The following PDIA5 variants were observed in gnomAD, a reference collection of about 807,000 sequenced individuals.
The protein encoded by PDIA5 is protein disulfide-isomerase A5.
PDIA5 carries 58 observed loss-of-function variants against 77.6 expected under a neutral mutation model. The observed-to-expected ratio is 0.75, with a 90% CI of 0.61 to 0.93. The LOEUF is 0.93. Among genes scored for constraint, PDIA5 ranks in the 40% least tolerant of loss-of-function variants. The pLI is 0.00. For missense variants in PDIA5, 630 were observed against 647.7 expected, an observed-to-expected ratio of 0.97 and a Z score of 0.30; for synonymous variants, 250 against 252.1, an observed-to-expected ratio of 0.99 and a Z score of 0.08.
At chr3:123,113,537 T>C (rs1658105431) in intron 7 of PDIA5, among the ~76,000 whole-genome samples, 1 of 152,056 alleles carries the variant, frequency 6.6e-6, no homozygotes, top group African/African-American at 2.4e-5. Flanking sequence ...TGGTGGAGGG[T>C]CAGATCGGTT....
chr3:123,116,350 G>A, intron 8 of PDIA5, 52 bp downstream of exon 8: 1 of 1,443,084 alleles, frequency 6.9e-7, no homozygotes, highest in Non-Finnish European at 9.7e-7. Flanking sequence ...GGACTTGGCG[G>A]AGGAAGGGTG....
At chr3:123,082,096 C>T (rs1201864026) in intron 1 of PDIA5, among the ~76,000 whole-genome samples, 1 of 152,212 alleles carries the variant, frequency 6.6e-6, no homozygotes, top group Non-Finnish European at 1.5e-5. Context: ...TGGGAGACTC[C>T]AGGATCTGCT....
intron 3 of PDIA5, among the ~76,000 whole-genome samples, chr3:123,094,239 A>G (rs1934377232): frequency 6.6e-6 from 1 of 152,250 alleles, no homozygotes; most frequent in Admixed American, 6.5e-5. Context: ...TGTAAGAGGA[A>G]ATAGAAACTG....
At position 123,133,986 on chromosome 3, in the gene PDIA5, TC is replaced by T. The variant is rs201390774; in HGVS notation, c.910+3372del. 3.3e-3 allele frequency among the ~76,000 whole-genome samples: 484 copies of T among 147,688 alleles called. 7 individuals carry two copies. The highest frequency in any genetic ancestry group is 8.6e-3 in the South Asian group (40 of 4,636). On this transcript the variant is annotated intron_variant, in intron 11 of 16. Transcript: ENST00000316218. ...TTGTTTGTTTTCTTTTCTTTTCTTTTCCTTTTCTTTTCTTTTCCTTTTCTTT... is the reference window on the plus strand; with the variant it reads ...TTGTTTGTTTTCTTTTCTTTTCTTTTCTTTTCTTTTCTTTTCCTTTTCTTT...
rs574699410 is a variant in PDIA5, at chr3:123,127,392, T to C, written c.773+3049T>C. ...CCCATTCATGCTTGAATGACTCTTA[T>C]GATTTAGGTGATAAATGATATCTAG... On this transcript the variant is annotated intron_variant, in intron 10 of 16. Transcript: ENST00000316218. Among the ~76,000 whole-genome samples the C allele has an allele frequency of 3.9e-5, 6 of 152,356 alleles. No individual in the cohort carries two copies. In the South Asian group the frequency reaches 1.2e-3, roughly 32 times the overall value.
intron 8 of PDIA5, among the ~76,000 whole-genome samples, chr3:123,122,482 T>A (rs1368059985): frequency 2.0e-5 from 3 of 152,112 alleles, no homozygotes; most frequent in Non-Finnish European, 4.4e-5. Flanking sequence ...ATTTATTGTG[T>A]CCTTGCTGTA....
intron 11 of PDIA5, among the ~76,000 whole-genome samples, chr3:123,136,391 T>A (rs1397043749): frequency 6.6e-6 from 1 of 152,274 alleles, no homozygotes; most frequent in East Asian, 1.9e-4. Flanking sequence ...TGGTCACCAC[T>A]CACAGTAGAG....
chr3:123,115,775 T>C (rs1356436851), intron 7 of PDIA5, among the ~76,000 whole-genome samples: 2 of 152,262 alleles, frequency 1.3e-5, no homozygotes, highest in Non-Finnish European at 2.9e-5. Flanking sequence ...AGTGATCGTA[T>C]TCGTGGTCAC....
chr3:123,130,445 C>T (rs1442789298), intron 10 of PDIA5, 35 bp from the exon 11 acceptor site: 6 of 1,599,050 alleles, frequency 3.8e-6, no homozygotes, highest in South Asian at 1.1e-5. Context: ...GGCCCCAGGG[C>T]CTGCTCTGAG....
chr3:123,098,281 G>A lies in PDIA5; in HGVS notation c.258-4130G>A, dbSNP rs376426048. Among the ~76,000 whole-genome samples the A allele has an allele frequency of 1.4e-3, 218 of 152,270 alleles. 1 individual carries two copies. The highest frequency in any genetic ancestry group is 4.9e-3 in the African/African-American group (202 of 41,554). On this transcript the variant is annotated intron_variant, in intron 3 of 16. Coordinates refer to ENST00000316218, the MANE Select transcript of PDIA5 (RefSeq NM_006810.4). The stretch of plus-strand genomic sequence containing the variant: ...GATGTTGAAGCTGTCATTCTAATGG[G>A]CTGTGGTACTTAGGCTGGACTTGTG...
intron 15 of PDIA5, among the ~76,000 whole-genome samples, chr3:123,158,418 A>G (rs1397538489): frequency 6.6e-6 from 1 of 152,142 alleles, no homozygotes; most frequent in Non-Finnish European, 1.5e-5. Context: ...GCTCATGTGC[A>G]GGGAATTTAT....
At chr3:123,084,772 T>C (rs909297395) in intron 1 of PDIA5, among the ~76,000 whole-genome samples, 2 of 152,172 alleles carry the variant, frequency 1.3e-5, no homozygotes, top group African/African-American at 4.8e-5. Context: ...TGAATAGTCA[T>C]TGGGTTTTGT....
intron 13 of PDIA5, among the ~76,000 whole-genome samples, chr3:123,146,657 A>G (rs1935779375): frequency 6.6e-6 from 1 of 152,224 alleles, no homozygotes; most frequent in South Asian, 2.1e-4. Context: ...AGTAATGTCC[A>G]CAGGGCAGGC....
intron 11 of PDIA5, among the ~76,000 whole-genome samples, chr3:123,144,004 AC>A (rs1935701649): frequency 6.6e-6 from 1 of 152,094 alleles, no homozygotes; most frequent in African/African-American, 2.4e-5. Context: ...CCTGGGAGGG[AC>A]AGGGTGAGGA....
chr3:123,130,164 T>C (rs1317100419), intron 10 of PDIA5, among the ~76,000 whole-genome samples: 2 of 152,220 alleles, frequency 1.3e-5, no homozygotes, highest in East Asian at 3.8e-4. Context: ...TTGAGAAAGC[T>C]AACAAGCCCC....
At chr3:123,114,686 C>T (rs922746821) in intron 7 of PDIA5, among the ~76,000 whole-genome samples, 15 of 152,246 alleles carry the variant, frequency 9.9e-5, no homozygotes, top group Non-Finnish European at 1.5e-5. Flanking sequence ...ACAATGGAAA[C>T]AATGCCCCTG....
At chr3:123,151,292 C>G (rs1348094618) in intron 14 of PDIA5, among the ~76,000 whole-genome samples, 1 of 152,258 alleles carries the variant, frequency 6.6e-6, no homozygotes, top group Admixed American at 6.5e-5. Context: ...CGGCTGTCCT[C>G]TTCGGTCTGT....
intron 3 of PDIA5, among the ~76,000 whole-genome samples, chr3:123,098,326 C>T (rs1475718110): frequency 2.0e-5 from 3 of 152,116 alleles, no homozygotes; most frequent in Admixed American, 2.0e-4. Flanking sequence ...AGACCCCCAC[C>T]CTCCGACCCC....
intron 7 of PDIA5, among the ~76,000 whole-genome samples, chr3:123,111,386 G>A (rs1052500165): frequency 1.3e-5 from 2 of 152,356 alleles, no homozygotes; most frequent in African/African-American, 4.8e-5. Flanking sequence ...CCAGAGCCTG[G>A]CCCGCCTCTG....
Sources: allele counts gnomAD v4.1 joint callset (sites outside exome capture counted in the v4.1 genomes callset), GRCh38; gene constraint gnomAD v4.1.1; transcripts MANE v1.5; gene names NCBI Gene and HGNC (gene_info 2026-07-23, HGNC 2026-07-21).